The following RALYL variants were observed in gnomAD, a reference collection of about 807,000 sequenced individuals.
RALYL encodes RALY RNA binding protein like, also known as RNA-binding Raly-like protein.
Under a neutral mutation model 35.1 loss-of-function variants are expected in RALYL, and 29 were observed. The ratio of observed to expected loss-of-function variants is 0.83; its 90% CI spans 0.61 to 1.13. The LOEUF is 1.13. Ranked by LOEUF, RALYL falls within the 50% of genes most tolerant of loss-of-function variation. The probability of loss-of-function intolerance (pLI) is 0.00; values close to 1 mark genes in which losing one functional copy is unlikely to be tolerated. For synonymous variants in RALYL, 120 were observed against 127.6 expected (o/e 0.94, Z 0.40); for missense variants, 359 against 360.4 (o/e 1.00, Z 0.03).
intron 2 of RALYL, among the ~76,000 whole-genome samples, chr8:84,635,379 AT>A (rs916453326): frequency 5.3e-5 from 8 of 151,356 alleles, no homozygotes; most frequent in Admixed American, 6.6e-5. Flanking sequence ...TTCATCAGCC[AT>A]TTTTTTTAAT....
intron 1 of RALYL, among the ~76,000 whole-genome samples, chr8:84,269,466 G>A (rs1266064773): frequency 6.6e-6 from 1 of 152,100 alleles, no homozygotes; most frequent in African/African-American, 2.4e-5. Flanking sequence ...ATTATTTGTT[G>A]TCTGATTTAA....
At chr8:84,690,441 G>T (rs753022073) in intron 2 of RALYL, among the ~76,000 whole-genome samples, 3 of 152,092 alleles carry the variant, frequency 2.0e-5, no homozygotes, top group Non-Finnish European at 4.4e-5. Context: ...GGATGAATAA[G>T]TTTGGGAGAC....
chr8:84,386,172 A>G (rs1414614923), intron 1 of RALYL, among the ~76,000 whole-genome samples: 1 of 151,814 alleles, frequency 6.6e-6, no homozygotes, highest in Non-Finnish European at 1.5e-5. Context: ...CAGAAGTCCA[A>G]ACCTGTAATT....
chr8:84,540,984 A>G (rs1316467172), intron 2 of RALYL, among the ~76,000 whole-genome samples: 1 of 152,022 alleles, frequency 6.6e-6, no homozygotes, highest in Non-Finnish European at 1.5e-5. Flanking sequence ...TGTTTTTTTA[A>G]TCAGAATAGT....
At chr8:84,582,149 A>G (rs1351416055) in intron 2 of RALYL, among the ~76,000 whole-genome samples, 1 of 152,082 alleles carries the variant, frequency 6.6e-6, no homozygotes, top group Non-Finnish European at 1.5e-5. Flanking sequence ...ACAAAGTTAT[A>G]TTGTCATTCT....
intron 1 of RALYL, among the ~76,000 whole-genome samples, chr8:84,235,761 CTTTTTCTTTT>C (rs1826385121): frequency 7.2e-6 from 1 of 138,214 alleles, no homozygotes; most frequent in African/African-American, 2.8e-5. Context: ...TTTTCTTTTT[CTTTTTCTTTT>C]TTTTTTTTTT....
chr8:84,437,664 G>A (rs1422148431), intron 1 of RALYL, among the ~76,000 whole-genome samples: 1 of 152,106 alleles, frequency 6.6e-6, no homozygotes, highest in African/African-American at 2.4e-5. Context: ...GTAATTCCTA[G>A]TGCTGGAGGT....
At chr8:84,313,658 T>C (rs1179085328) in intron 1 of RALYL, among the ~76,000 whole-genome samples, 2 of 152,196 alleles carry the variant, frequency 1.3e-5, no homozygotes, top group Admixed American at 1.3e-4. Context: ...GTCTCTTTGC[T>C]AAAGCATAGC....
At chr8:84,640,226 A>G (rs78490290) in intron 2 of RALYL, among the ~76,000 whole-genome samples, 325 of 152,184 alleles carry the variant, frequency 2.1e-3, no homozygotes, top group African/African-American at 7.3e-3. Flanking sequence ...ACAGGAGGTT[A>G]CATAGATGTA....
At chr8:84,202,076 C>A (rs1239156486) in intron 1 of RALYL, among the ~76,000 whole-genome samples, 2 of 151,268 alleles carry the variant, frequency 1.3e-5, no homozygotes, top group Admixed American at 6.6e-5. Context: ...TCTTTTTTCA[C>A]TTTCTTTTCA....
chr8:84,355,513 A>G (rs1218255335), intron 1 of RALYL, among the ~76,000 whole-genome samples: 1 of 150,680 alleles, frequency 6.6e-6, no homozygotes, highest in Non-Finnish European at 1.5e-5. Flanking sequence ...ATGTACCAGC[A>G]TAAGAGTTTA....
At chr8:84,220,050 AG>A (rs1586282763) in intron 1 of RALYL, among the ~76,000 whole-genome samples, 1 of 152,158 alleles carries the variant, frequency 6.6e-6, no homozygotes, top group East Asian at 1.9e-4. Flanking sequence ...ATGTTCTACT[AG>A]GGTACTCAGC....
chr8:84,418,651 A>T (rs73306320), intron 1 of RALYL, among the ~76,000 whole-genome samples: 4,467 of 152,262 alleles, frequency 0.029, 217 homozygotes, highest in African/African-American at 0.1. Context: ...AAAAAAGAAA[A>T]GAATCATTCC....
intron 8 of RALYL, among the ~76,000 whole-genome samples, chr8:84,894,235 TC>T (rs1844360915): frequency 6.6e-6 from 1 of 152,186 alleles, no homozygotes; most frequent in African/African-American, 2.4e-5. Context: ...ACCTGGATGA[TC>T]CCCCTTATCA....
chr8:84,524,375 G>C (rs548274930), intron 1 of RALYL, among the ~76,000 whole-genome samples: 24 of 152,292 alleles, frequency 1.6e-4, no homozygotes, highest in African/African-American at 4.8e-4. Flanking sequence ...GGCCATCAGA[G>C]AAATGCAAAT....
intron 1 of RALYL, among the ~76,000 whole-genome samples, chr8:84,435,209 A>G (rs1230658292): frequency 6.6e-6 from 1 of 151,718 alleles, no homozygotes; most frequent in Non-Finnish European, 1.5e-5. Context: ...TTTCTGTACC[A>G]GAGCTTACTA....
chr8:84,586,525 G>A (rs891824547), intron 2 of RALYL, among the ~76,000 whole-genome samples: 2 of 152,172 alleles, frequency 1.3e-5, no homozygotes, highest in Non-Finnish European at 2.9e-5. Flanking sequence ...GTAATAGAAA[G>A]TCTTCTGTAA....
chr8:84,554,947 C>G (rs2060991375), intron 2 of RALYL, among the ~76,000 whole-genome samples: 1 of 151,998 alleles, frequency 6.6e-6, no homozygotes, highest in African/African-American at 2.4e-5. Flanking sequence ...TGAGTCATAA[C>G]TCTTTTTTTA....
chr8:84,590,005 A>G (rs1040778685), intron 2 of RALYL, among the ~76,000 whole-genome samples: 1 of 152,234 alleles, frequency 6.6e-6, no homozygotes, highest in East Asian at 1.9e-4. Context: ...CAATAGCCAT[A>G]TATTATCATT....
Sources: gnomAD v4.1 joint callset for allele counts (sites outside exome capture counted in the v4.1 genomes callset) on GRCh38, gnomAD v4.1.1 for gene constraint, MANE v1.5 for transcripts, NCBI Gene and HGNC (gene_info 2026-07-23, HGNC 2026-07-21) for gene names.